The following CELSR3 variants were observed in gnomAD, a reference collection of about 807,000 sequenced individuals.
CELSR3 encodes the protein cadherin EGF LAG seven-pass G-type receptor 3, also known as EGF-like protein 1.
A neutral mutation model predicts 270.0 loss-of-function variants in CELSR3; 73 were observed. The ratio of observed to expected loss-of-function variants is 0.27; its 90% CI spans 0.22 to 0.33. The LOEUF (loss-of-function observed/expected upper bound fraction) is 0.33, where lower values mean the gene tolerates loss of function less well. Among genes scored for constraint, CELSR3 ranks in the 10% least tolerant of loss-of-function variants. The pLI, the probability that CELSR3 is intolerant of heterozygous loss-of-function variation, is 1.00. For missense variants in CELSR3, 3,614 were observed against 4,533.8 expected (o/e 0.80, Z 5.83); for synonymous variants, 1,780 against 1,905.4 (o/e 0.93, Z 1.71).
chr3:48,642,302 G>A lies in CELSR3; in HGVS notation c.8665+56C>T. 6.4e-7 allele frequency: 1 copy of A among 1,556,134 alleles called. No homozygotes were observed. Among genetic ancestry groups the A allele is most frequent in the South Asian group, 1.2e-5 (1 of 84,588 alleles). ...GCTCCCAGTATGGGGTAGAAGAAAAGGGGATGGGGAGAGATCCTCTGCCTC... is the reference window on the plus strand; with the variant it reads ...GCTCCCAGTATGGGGTAGAAGAAAAAGGGATGGGGAGAGATCCTCTGCCTC... On this transcript the variant is annotated intron_variant, in intron 31 of 34. Transcript: ENST00000164024. This position sits in a 1 kb window ranked among gnomAD's most constrained non-coding sequence, Gnocchi z 6.1.
rs267599862 is a variant in CELSR3, at chr3:48,645,750, G to T, written c.7582C>A (p.Pro2528Thr). ...GTFGVLMDAS[P>T]RERLEGDLEL... is the part of the protein sequence containing the mutation. The stretch of plus-strand genomic sequence containing the variant: ...ACTGAACACAGCCCCACCTCACGGG[G>T]AGAGGCATCCATGAGGACCCCAAAG... The change falls in exon 23 of 35, where the codon CCC becomes ACC. Residue 2528 changes from proline to threonine, a missense_variant. Transcript: ENST00000164024. The surrounding 1 kb of genome is among the most constrained non-coding windows in gnomAD (Gnocchi z 5.4). 1 of 1,609,366 alleles carries T rather than the reference G, an allele frequency of 6.2e-7. No homozygotes were observed. Among genetic ancestry groups the T allele is most frequent in the Non-Finnish European group, 8.5e-7 (1 of 1,177,194 alleles).
chr3:48,653,153 C>G lies in CELSR3; in HGVS notation c.5483G>C (p.Arg1828Thr). The change falls in exon 10 of 35, where the codon AGG (arginine) becomes ACG (threonine). Residue 1828 changes from arginine (R) to threonine (T), a missense_variant. This residue lies in a region of CELSR3 where 1,331 missense variants were observed against 1,933.7 expected (regional missense o/e 0.69). Coordinates refer to ENST00000164024, the MANE Select transcript of CELSR3 (RefSeq NM_001407.3). The surrounding 1 kb of genome is among the most constrained non-coding windows in gnomAD (Gnocchi z 6.5). ...DRGLLSVTVT[R>T]GSGRASHLLL... Reference sequence around the variant, plus strand: ...GAGATGGGAAGCACGGCCCGAGCCCCTGGTCACTGTCACAGACAGTAACCC... The same window carrying G: ...GAGATGGGAAGCACGGCCCGAGCCCGTGGTCACTGTCACAGACAGTAACCC... The G allele has an allele frequency of 1.2e-6, 2 of 1,613,330 alleles. No homozygotes were observed. The highest frequency in any genetic ancestry group is 1.7e-6 in the Non-Finnish European group (2 of 1,180,024).
Position 48,661,853 on chromosome 3 carries a change from G to T in CELSR3, c.782C>A (p.Ala261Glu). The T allele has an allele frequency of 3.1e-6, 5 of 1,610,696 alleles. No individual in the cohort carries two copies. The highest frequency in any genetic ancestry group is 4.2e-6 in the Non-Finnish European group (5 of 1,179,706). Residue 261 changes from alanine to glutamate, a missense_variant, in exon 1 of 35, where the codon GCA (alanine) becomes GAA (glutamate). Coordinates refer to ENST00000164024, the MANE Select transcript of CELSR3 (RefSeq NM_001407.3). ...GGGAGCTGTCCGAGACTCGCGGGGT[G>T]CTGAACCTGATGCAGGAGCTGTCCT... Reference protein sequence around the residue: ...TARTAPASGSAPRESRTAPEP... With the variant: ...TARTAPASGSEPRESRTAPEP...
chr3:48,661,140 C>T lies in CELSR3; in HGVS notation c.1495G>A (p.Gly499Ser). 1 of 1,607,062 alleles carries T rather than the reference C, an allele frequency of 6.2e-7. No individual in the cohort carries two copies. ...TCCATGTGCTCGCGGTCCACTCGGCCGCTGGTGCTGATGAGGCCGGAGCGT... is the reference window on the plus strand; with the variant it reads ...TCCATGTGCTCGCGGTCCACTCGGCTGCTGGTGCTGATGAGGCCGGAGCGT... ...DPRSGLISTS[G>S]RVDREHMESY... The change falls in exon 1 of 35, where the codon GGC (glycine) becomes AGC (serine). Residue 499 changes from glycine (G) to serine (S), a missense_variant. Transcript: ENST00000164024.
chr3:48,641,328 C>T lies in CELSR3; in HGVS notation c.9021G>A (p.Arg3007=), dbSNP rs1048393239. 1 of 1,604,600 alleles carries T rather than the reference C, an allele frequency of 6.2e-7. No homozygotes were observed. Among genetic ancestry groups the T allele is most frequent in the African/African-American group, 1.3e-5 (1 of 74,870 alleles). Residue 3007 remains arginine, a synonymous_variant, in exon 33 of 35, where the codon AGG becomes AGA. Coordinates refer to ENST00000164024, the MANE Select transcript of CELSR3 (RefSeq NM_001407.3). This position sits in a 1 kb window ranked among gnomAD's most constrained non-coding sequence, Gnocchi z 4.8. ...GCCAGGGCTCAGGGACTGTACCTTT[C>T]CTCTGGCGCTGGGCCCGGCCCAGAG... ...ETSLGRAQRQ[R]KGILKNRLQY...
chr3:48,649,253 G>A (rs1003801518), intron 16 of CELSR3, 38 bp from the exon 17 acceptor site: 4 of 1,531,372 alleles, frequency 2.6e-6, no homozygotes, highest in Non-Finnish European at 3.6e-6. Flanking sequence ...CTGGGGCCTG[G>A]ATACCTTTGC....
chr3:48,647,783 T>C, intron 20 of CELSR3, 58 bp downstream of exon 20: 1 of 1,559,160 alleles, frequency 6.4e-7, no homozygotes, highest in East Asian at 2.2e-5. Flanking sequence ...CAACATAGTA[T>C]CTGGTTGGGG....
At position 48,651,980 on chromosome 3, in the gene CELSR3, C is replaced by G; in HGVS notation, c.5820G>C (p.Ala1940=). The G allele has an allele frequency of 1.3e-6, 2 of 1,596,598 alleles. No homozygotes were observed. The highest frequency in any genetic ancestry group is 1.7e-6 in the Non-Finnish European group (2 of 1,173,654). Residue 1940 remains alanine, a synonymous_variant, in exon 12 of 35, where the codon GCG becomes GCC. Transcript: ENST00000164024. The surrounding 1 kb of genome is among the most constrained non-coding windows in gnomAD (Gnocchi z 7.4). The part of the protein sequence containing the change: ...ALLPPSHRVN[A]EPGCVVTNAC... ...CGTTGGTCACAACACAGCCAGGCTC[C>G]GCATTCACTCGGTGGCTGGGGGGTA...
At position 48,642,828 on chromosome 3, in the gene CELSR3, G is replaced by A; in HGVS notation, c.8463C>T (p.Ile2821=). ...ALFEESGLIR[I]TLGASTVSSV... Reference sequence around the variant, plus strand: ...AGGAGACGGTGGAGGCGCCCAGAGTGATGCGGATGAGGCCACTCTCCTCAA... The same window carrying A: ...AGGAGACGGTGGAGGCGCCCAGAGTAATGCGGATGAGGCCACTCTCCTCAA... Residue 2821 remains isoleucine (I), a synonymous_variant, in exon 30 of 35, where the codon ATC becomes ATT. Coordinates refer to ENST00000164024, the MANE Select transcript of CELSR3 (RefSeq NM_001407.3). The surrounding 1 kb of genome is among the most constrained non-coding windows in gnomAD (Gnocchi z 6.1). 6.2e-7 allele frequency: 1 copy of A among 1,613,214 alleles called. No individual in the cohort carries two copies. Among genetic ancestry groups the A allele is most frequent in the Non-Finnish European group, 8.5e-7 (1 of 1,179,956 alleles).
At position 48,650,856 on chromosome 3, in the gene CELSR3, GC is replaced by G; in HGVS notation, c.6370+35del. ...ACGTGATGGTGGCACACTGGAACCAGCCCTCTATGGGTGGAGCTGGGTGGAG... is the reference window on the plus strand; with the variant it reads ...ACGTGATGGTGGCACACTGGAACCAGCCTCTATGGGTGGAGCTGGGTGGAG... On this transcript the variant is annotated intron_variant, in intron 15 of 34. Coordinates refer to ENST00000164024, the MANE Select transcript of CELSR3 (RefSeq NM_001407.3). The surrounding 1 kb of genome is among the most constrained non-coding windows in gnomAD (Gnocchi z 5.1). The G allele has an allele frequency of 6.3e-7, 1 of 1,596,310 alleles. No individual in the cohort carries two copies.
At chr3:48,656,626 T>C in intron 2 of CELSR3, 72 bp downstream of exon 2, 1 of 1,426,960 alleles carries the variant, frequency 7.0e-7, no homozygotes, top group South Asian at 1.5e-5. Flanking sequence ...CTCCCAGTAC[T>C]CACTCGCATT....
intron 3 of CELSR3, 137 bp downstream of exon 3, chr3:48,656,003 G>T: frequency 3.5e-6 from 4 of 1,153,960 alleles, no homozygotes; most frequent in Non-Finnish European, 5.0e-6. Flanking sequence ...GTGCAGCGAG[G>T]TCAGGAGACC....
chr3:48,655,213 G>A lies in CELSR3; in HGVS notation c.4831-12C>T. 6.2e-7 allele frequency: 1 copy of A among 1,613,998 alleles called. No individual in the cohort carries two copies. The highest frequency in any genetic ancestry group is 1.1e-5 in the South Asian group (1 of 91,086). ...GCATCTGTCCGGGGCTGAAGACGCA[G>A]GCACACCAGTCAACAGTGCCCCCAG... On this transcript the variant is annotated splice_polypyrimidine_tract_variant and intron_variant, in intron 5 of 34. Coordinates refer to ENST00000164024, the MANE Select transcript of CELSR3 (RefSeq NM_001407.3). This position sits in a 1 kb window ranked among gnomAD's most constrained non-coding sequence, Gnocchi z 5.8.
chr3:48,641,847 G>C lies in CELSR3; in HGVS notation c.8824+4C>G. The C allele has an allele frequency of 6.9e-7, 1 of 1,458,550 alleles. No homozygotes were observed. The highest frequency in any genetic ancestry group is 1.5e-5 in the South Asian group (1 of 68,472). 90.4% of individuals were successfully genotyped at this position (1,458,550 alleles called of 1,614,324 possible). Reference sequence around the variant, plus strand: ...CACCCAAGGGGTCAGAGGGCGCCTGGCACCTTTGGGGTGGGTGAGGAGCCT... The same window carrying C: ...CACCCAAGGGGTCAGAGGGCGCCTGCCACCTTTGGGGTGGGTGAGGAGCCT... On this transcript the variant is annotated splice_donor_region_variant and intron_variant, in intron 32 of 34. Transcript: ENST00000164024. This position sits in a 1 kb window ranked among gnomAD's most constrained non-coding sequence, Gnocchi z 4.8.
Position 48,662,601 on chromosome 3 carries a change from C to G in CELSR3, c.34G>C (p.Gly12Arg). The G allele has an allele frequency of 6.8e-7, 1 of 1,465,234 alleles. No homozygotes were observed. Among genetic ancestry groups the G allele is most frequent in the Non-Finnish European group, 9.1e-7 (1 of 1,102,432 alleles). The allele number at this position is 1,465,234 out of a possible 1,614,324, so 90.8% of individuals were successfully genotyped here. A position where few individuals can be genotyped will look rare whatever the true frequency, so the allele number is the denominator to read the frequency against. Residue 12 changes from glycine (G) to arginine (R), a missense_variant, in exon 1 of 35, where the codon GGG (glycine) becomes CGG (arginine). This residue lies in a region of CELSR3 where 470 missense variants were observed against 469.7 expected (regional missense o/e 1.00). Coordinates refer to ENST00000164024, the MANE Select transcript of CELSR3 (RefSeq NM_001407.3). The surrounding 1 kb of genome is among the most constrained non-coding windows in gnomAD (Gnocchi z 7.1). ...AGGAGTATGGGGGTCGACCGTCCCC[C>G]GAGGCCCCGCCACGGCGGCCGCCTC... ...MARRPPWRGLGGRSTPILLLL... is the reference protein window; with the variant it reads ...MARRPPWRGLRGRSTPILLLL...
Position 48,646,886 on chromosome 3 carries a change from C to T in CELSR3, c.7172G>A (p.Ser2391Asn). The T allele has an allele frequency of 6.3e-6, 10 of 1,575,170 alleles. No individual in the cohort carries two copies. Among genetic ancestry groups the T allele is most frequent in the Non-Finnish European group, 8.6e-6 (10 of 1,165,688 alleles). Residue 2391 changes from serine to asparagine, a missense_variant, in exon 21 of 35, where the codon AGT becomes AAT. Transcript: ENST00000164024. The surrounding 1 kb of genome is among the most constrained non-coding windows in gnomAD (Gnocchi z 4.8). ...TGGCGGGGCTGGTGGGGGGACCACA[C>T]TTGAGGTGGTGGAGTTTTCTATGCT... ...SSSIENSTTS[S>N]VVPPPAPPEP...
In CELSR3 at chr3:48,640,085, G is replaced by C. The variant is rs1575537192; in HGVS notation, c.9500C>G (p.Pro3167Arg). ...PPPRRTRDLD[P>R]QPPPLPLSPQ... ...AGACAGGGGCAGAGGTGGGGGCTGT[G>C]GGTCAAGGTCCCGGGTGCGGCGGGG... The change falls in exon 34 of 35, where the codon CCA (proline) becomes CGA (arginine). Residue 3167 changes from proline (P) to arginine (R), a missense_variant. Physicochemically the swap from Pro to Arg is moderately radical, Grantham distance 103. Coordinates refer to ENST00000164024, the MANE Select transcript of CELSR3 (RefSeq NM_001407.3). The surrounding 1 kb of genome is among the most constrained non-coding windows in gnomAD (Gnocchi z 7.5). 1 of 1,610,920 alleles carries C rather than the reference G, an allele frequency of 6.2e-7. No individual in the cohort carries two copies. The highest frequency in any genetic ancestry group is 8.5e-7 in the Non-Finnish European group (1 of 1,179,776).
At position 48,642,134 on chromosome 3, in the gene CELSR3, G is replaced by T; in HGVS notation, c.8666-125C>A. 1.0e-6 allele frequency: 1 copy of T among 967,436 alleles called. No individual in the cohort carries two copies. Among genetic ancestry groups the T allele is most frequent in the Non-Finnish European group, 1.5e-6 (1 of 668,440 alleles). 59.9% of individuals were successfully genotyped at this position (967,436 alleles called of 1,614,324 possible). ...GGGTTGGGGACAGGAACCGGGGCTTGAAGTGGAGGTAGCAGCAGAAGGGCT... is the reference window on the plus strand; with the variant it reads ...GGGTTGGGGACAGGAACCGGGGCTTTAAGTGGAGGTAGCAGCAGAAGGGCT... On this transcript the variant is annotated intron_variant, in intron 31 of 34. Transcript: ENST00000164024. The surrounding 1 kb of genome is among the most constrained non-coding windows in gnomAD (Gnocchi z 6.1).
chr3:48,661,250 G>A lies in CELSR3; in HGVS notation c.1385C>T (p.Ala462Val). 6.2e-7 allele frequency: 1 copy of A among 1,608,704 alleles called. No individual in the cohort carries two copies. Among genetic ancestry groups the A allele is most frequent in the Non-Finnish European group, 8.5e-7 (1 of 1,176,812 alleles). Reference sequence around the variant, plus strand: ...GTAGCGCAGGTTGGCGTTGGGGGGCGCGTCGCCGTCAGTGGCACGCAGCTG... The same window carrying A: ...GTAGCGCAGGTTGGCGTTGGGGGGCACGTCGCCGTCAGTGGCACGCAGCTG... ...ILQLRATDGD[A>V]PPNANLRYRF... Residue 462 changes from alanine (A) to valine (V), a missense_variant, in exon 1 of 35, where the codon GCG becomes GTG. This residue lies in a region of CELSR3 where 354 missense variants were observed against 500.9 expected (regional missense o/e 0.71). Transcript: ENST00000164024.
Sources: gnomAD v4.1 joint callset for allele counts on GRCh38, gnomAD v4.1.1 for gene constraint, gnomAD v4.1.1 regional missense constraint, Gnocchi (gnomAD v3.1) non-coding constraint, MANE v1.5 for transcripts, NCBI Gene and HGNC (gene_info 2026-07-23, HGNC 2026-07-21) for gene names.